Variants in PLCB4 observed in about 807,000 individuals in gnomAD.
The protein encoded by PLCB4 is 1-phosphatidylinositol 4,5-bisphosphate phosphodiesterase beta-4.
PLCB4 carries 77 observed loss-of-function variants against 178.8 expected under a neutral mutation model. The observed-to-expected ratio is 0.43, with a 90% CI of 0.36 to 0.52. The LOEUF is 0.52. PLCB4 is among the 20% of genes least tolerant of loss of function. The probability of loss-of-function intolerance (pLI) is 0.00; values close to 1 mark genes in which losing one functional copy is unlikely to be tolerated. For missense variants in PLCB4, 1,024 were observed against 1,453.4 expected (o/e 0.70, Z 4.80); for synonymous variants, 496 against 490.8 (o/e 1.01, Z -0.14).
chr20:9,293,276 G>A (rs2094597736), intron 3 of PLCB4, among the ~76,000 whole-genome samples: 1 of 149,616 alleles, frequency 6.7e-6, no homozygotes, highest in Admixed American at 6.7e-5. Flanking sequence ...GGAAAGGGAA[G>A]GGAAGGAAGG....
chr20:9,312,634 C>T (rs866721718), intron 4 of PLCB4, among the ~76,000 whole-genome samples: 57 of 152,204 alleles, frequency 3.7e-4, no homozygotes, highest in Admixed American at 6.5e-4. Context: ...CAAAGCAAAG[C>T]GCTTTCCAAA....
At chr20:9,399,580 C>G (rs181811394) in intron 19 of PLCB4, among the ~76,000 whole-genome samples, 15 of 152,348 alleles carry the variant, frequency 9.8e-5, no homozygotes, top group Admixed American at 7.2e-4. Context: ...GATTTAGATT[C>G]AGAAGGACAT....
At chr20:9,273,265 C>T (rs1460928671) in intron 3 of PLCB4, among the ~76,000 whole-genome samples, 2 of 152,094 alleles carry the variant, frequency 1.3e-5, no homozygotes, top group Admixed American at 6.6e-5. Context: ...AACAATGAAA[C>T]GTCAGAACTT....
chr20:9,130,721 C>T (rs1230404422), intron 2 of PLCB4, among the ~76,000 whole-genome samples: 1 of 152,168 alleles, frequency 6.6e-6, no homozygotes, highest in East Asian at 1.9e-4. Context: ...TAACTTAGCA[C>T]AGTGGTAACT....
At chr20:9,410,615 C>A (rs1034783160) in intron 24 of PLCB4, among the ~76,000 whole-genome samples, 3 of 152,142 alleles carry the variant, frequency 2.0e-5, no homozygotes, top group Non-Finnish European at 4.4e-5. Context: ...AAGTTTTATG[C>A]GATACTTACC....
chr20:9,245,799 A>G (rs1321348015), intron 3 of PLCB4, among the ~76,000 whole-genome samples: 1 of 151,074 alleles, frequency 6.6e-6, no homozygotes, highest in Non-Finnish European at 1.5e-5. Flanking sequence ...ATGTCCTGCT[A>G]ATTTTTGTAT....
intron 2 of PLCB4, among the ~76,000 whole-genome samples, chr20:9,164,419 C>T (rs1170748329): frequency 1.3e-5 from 2 of 151,932 alleles, no homozygotes; most frequent in Non-Finnish European, 2.9e-5. Flanking sequence ...AGTGACTTGC[C>T]CAACATCAAA....
chr20:9,346,032 G>A (rs1365283399), intron 7 of PLCB4, among the ~76,000 whole-genome samples: 3 of 152,104 alleles, frequency 2.0e-5, no homozygotes, highest in Admixed American at 2.0e-4. Flanking sequence ...AAGCCTCCAA[G>A]CCCTGCAACC....
chr20:9,218,790 T>C (rs1346021879), intron 3 of PLCB4, among the ~76,000 whole-genome samples: 1 of 152,182 alleles, frequency 6.6e-6, no homozygotes, highest in Non-Finnish European at 1.5e-5. Context: ...TTTAGTCAAG[T>C]GCGCTATCTT....
chr20:9,126,771 C>CTTTTTTTT (rs34634088), intron 2 of PLCB4, among the ~76,000 whole-genome samples: 1 of 119,710 alleles, frequency 8.4e-6, no homozygotes. Flanking sequence ...ATTTCATTTG[C>CTTTTTTTT]TTTTTTTTTT....
intron 3 of PLCB4, among the ~76,000 whole-genome samples, chr20:9,267,845 T>G (rs2094364295): frequency 6.6e-6 from 1 of 152,060 alleles, no homozygotes; most frequent in African/African-American, 2.4e-5. Flanking sequence ...GAGTAATGGG[T>G]TAGCATGGGA....
chr20:9,205,338 A>T (rs1205589739), intron 2 of PLCB4, among the ~76,000 whole-genome samples: 2 of 152,244 alleles, frequency 1.3e-5, no homozygotes, highest in Non-Finnish European at 2.9e-5. Context: ...TTGGCATGTT[A>T]GGTATGTTAA....
intron 32 of PLCB4, among the ~76,000 whole-genome samples, chr20:9,448,961 C>T (rs1404170921): frequency 2.6e-5 from 4 of 152,012 alleles, no homozygotes; most frequent in Non-Finnish European, 4.4e-5. Flanking sequence ...ATGGGGGTAA[C>T]GACCATTTGC....
At chr20:9,265,406 C>T (rs1005134698) in intron 3 of PLCB4, among the ~76,000 whole-genome samples, 5 of 152,132 alleles carry the variant, frequency 3.3e-5, no homozygotes, top group African/African-American at 1.2e-4. Context: ...TCACTTGAAC[C>T]CCGGAGGTAA....
intron 2 of PLCB4, among the ~76,000 whole-genome samples, chr20:9,207,687 CA>C (rs1309433280): frequency 1.6e-4 from 25 of 152,204 alleles, no homozygotes; most frequent in African/African-American, 5.3e-4. Flanking sequence ...GAGGGCCCAC[CA>C]TCTGCTCCAC....
intron 14 of PLCB4, among the ~76,000 whole-genome samples, chr20:9,385,064 C>T (rs967132720): frequency 6.6e-6 from 1 of 152,114 alleles, no homozygotes; most frequent in Admixed American, 6.5e-5. Context: ...TCTTGTACCG[C>T]CCTTAATCCA....
intron 3 of PLCB4, among the ~76,000 whole-genome samples, chr20:9,251,194 G>T (rs1256568898): frequency 6.6e-6 from 1 of 152,198 alleles, no homozygotes; most frequent in East Asian, 1.9e-4. Flanking sequence ...ACCTGGTTTT[G>T]TTAGGAGAGC....
intron 15 of PLCB4, among the ~76,000 whole-genome samples, chr20:9,387,918 A>G (rs2037812548): frequency 6.6e-6 from 1 of 152,262 alleles, no homozygotes; most frequent in Non-Finnish European, 1.5e-5. Context: ...GAATACAGGA[A>G]TAAAATAGAT....
chr20:9,221,179 C>G (rs1485262012), intron 3 of PLCB4, among the ~76,000 whole-genome samples: 1 of 152,040 alleles, frequency 6.6e-6, no homozygotes, highest in Non-Finnish European at 1.5e-5. Context: ...CCAGCCTGAT[C>G]CTGGGGGCAG....
Sources: allele counts gnomAD v4.1 joint callset (sites outside exome capture counted in the v4.1 genomes callset), GRCh38; gene constraint gnomAD v4.1.1; transcripts MANE v1.5; gene names NCBI Gene and HGNC (gene_info 2026-07-23, HGNC 2026-07-21).